ZNF638: variants seen among roughly 807,000 people sequenced by gnomAD.
ZNF638 encodes zinc finger protein 638.
A neutral mutation model predicts 195.6 loss-of-function variants in ZNF638; 46 were observed. That is an observed-to-expected ratio of 0.24 (90% CI 0.19 to 0.30). The LOEUF is 0.30. Ranked by LOEUF, ZNF638 falls within the 10% of genes least tolerant of loss-of-function variation. The pLI, the probability that ZNF638 is intolerant of heterozygous loss-of-function variation, is 1.00. For missense variants in ZNF638, 2,440 were observed against 2,325.3 expected (o/e 1.05, Z -1.01); for synonymous variants, 845 against 772.0 (o/e 1.09, Z -1.57).
intron 8 of ZNF638, among the ~76,000 whole-genome samples, chr2:71,376,599 A>G (rs1268509543): frequency 6.6e-6 from 1 of 152,132 alleles, no homozygotes. Context: ...AACCTAGAAA[A>G]AACTTACCCG....
At chr2:71,403,682 C>G (rs1445229735) in intron 16 of ZNF638, among the ~76,000 whole-genome samples, 188 bp from the exon 17 acceptor site, 1 of 151,960 alleles carries the variant, frequency 6.6e-6, no homozygotes, top group Non-Finnish European at 1.5e-5. Flanking sequence ...TTATTTCTTG[C>G]TTATGGTTGT....
At chr2:71,335,596 TAGAG>T (rs1311647575) in intron 1 of ZNF638, among the ~76,000 whole-genome samples, 1 of 152,150 alleles carries the variant, frequency 6.6e-6, no homozygotes, top group Non-Finnish European at 1.5e-5. Flanking sequence ...TATACAAAAG[TAGAG>T]AGAATGATAC....
chr2:71,396,036 G>A, intron 10 of ZNF638, 105 bp from the exon 11 acceptor site: 1 of 1,033,142 alleles, frequency 9.7e-7, no homozygotes, highest in Non-Finnish European at 1.5e-6. Context: ...GTATAGGGCT[G>A]TTTCTTGCAG....
chr2:71,347,918 T>G (rs1056973453), intron 1 of ZNF638, among the ~76,000 whole-genome samples: 8 of 152,234 alleles, frequency 5.3e-5, no homozygotes, highest in African/African-American at 1.9e-4. Context: ...TGTGTGTGCC[T>G]TAGTGTCTTC....
intron 27 of ZNF638, chr2:71,433,595 C>A (rs1008697096): frequency 1.0e-5 from 2 of 200,328 alleles, no homozygotes; most frequent in Non-Finnish European, 2.0e-5. Flanking sequence ...ATTAAAGTTT[C>A]TGAATTGTCT....
chr2:71,401,007 A>G (rs1247391494), intron 15 of ZNF638, among the ~76,000 whole-genome samples: 2 of 152,178 alleles, frequency 1.3e-5, no homozygotes, highest in South Asian at 2.1e-4. Context: ...ATACATTACA[A>G]TCATTAATTT....
intron 17 of ZNF638, 54 bp downstream of exon 17, chr2:71,404,052 G>A: frequency 6.5e-7 from 1 of 1,532,858 alleles, no homozygotes; most frequent in Non-Finnish European, 8.8e-7. Flanking sequence ...AATCAGATTT[G>A]TTACAGTCTG....
At chr2:71,385,656 G>A (rs2079622094) in intron 10 of ZNF638, among the ~76,000 whole-genome samples, 1 of 152,176 alleles carries the variant, frequency 6.6e-6, no homozygotes, top group African/African-American at 2.4e-5. Flanking sequence ...TGAAATCTGG[G>A]TGTTGGTAGA....
chr2:71,422,964 A>G lies in ZNF638; in HGVS notation c.3450A>G (p.Glu1150=). Residue 1150 remains glutamate (E), a synonymous_variant, in exon 22 of 28, where the codon GAA becomes GAG. Coordinates refer to ENST00000264447, the MANE Select transcript of ZNF638 (RefSeq NM_014497.5). ...AGCAGGAAGAGCCTTGTGAGGAAGA[A>G]GCTGAAAAAGCAACATGTGATTCTG... ...LVQQEEPCEE[E]AEKATCDSDF... is the part of the protein sequence containing the mutation. 6.2e-7 allele frequency: 1 copy of G among 1,614,146 alleles called. No individual in the cohort carries two copies. The highest frequency in any genetic ancestry group is 1.1e-5 in the South Asian group (1 of 91,084).
At position 71,426,792 on chromosome 2, in the gene ZNF638, A is replaced by G; in HGVS notation, c.4923A>G (p.Ser1641=). The G allele has an allele frequency of 6.2e-7, 1 of 1,613,194 alleles. No homozygotes were observed. The highest frequency in any genetic ancestry group is 8.5e-7 in the Non-Finnish European group (1 of 1,179,538). Residue 1641 remains serine (S), a synonymous_variant, in exon 24 of 28, where the codon TCA becomes TCG. Coordinates refer to ENST00000264447, the MANE Select transcript of ZNF638 (RefSeq NM_014497.5). The part of the protein sequence containing the change: ...NMEEMVKNSN[S]LFTLDELIDQ... The stretch of plus-strand genomic sequence containing the variant: ...AAGAAATGGTAAAAAATTCAAATTC[A>G]CTTTTTACATTAGATGAATTAATTG...
chr2:71,402,289 A>C (rs746489158), intron 16 of ZNF638, among the ~76,000 whole-genome samples: 14 of 152,176 alleles, frequency 9.2e-5, no homozygotes, highest in African/African-American at 1.7e-4. Context: ...GATGGGGACA[A>C]ATGGCTTTCT....
intron 3 of ZNF638, among the ~76,000 whole-genome samples, chr2:71,356,213 G>A (rs1265758782): frequency 6.6e-6 from 1 of 152,320 alleles, no homozygotes; most frequent in Admixed American, 6.5e-5. Context: ...TATACCTTAA[G>A]TAAGGGATGG....
chr2:71,408,596 A>C (rs1216610327), intron 20 of ZNF638: 1 of 290,748 alleles, frequency 3.4e-6, no homozygotes, highest in Non-Finnish European at 6.8e-6. Context: ...AGTTTGTTTT[A>C]TTCTTCTTTT....
intron 8 of ZNF638, among the ~76,000 whole-genome samples, chr2:71,371,384 A>G (rs2079309906): frequency 6.6e-6 from 1 of 152,226 alleles, no homozygotes; most frequent in Middle Eastern, 3.4e-3. Flanking sequence ...GCTGGATTGT[A>G]TGGTTGATCC....
At chr2:71,403,381 C>G (rs945194516) in intron 16 of ZNF638, among the ~76,000 whole-genome samples, 16 of 152,058 alleles carry the variant, frequency 1.1e-4, no homozygotes, top group Non-Finnish European at 2.4e-4. Context: ...AAATTAAAAG[C>G]AAAATGTATG....
rs1347096938 is a variant in ZNF638 at position 71,404,016 on chromosome 2, T to TTTTA, written c.2958+19_2958+22dup. 1 of 1,593,010 alleles carries TTTTA rather than the reference T, an allele frequency of 6.3e-7. No individual in the cohort carries two copies. Among genetic ancestry groups the TTTTA allele is most frequent in the African/African-American group, 1.4e-5 (1 of 73,592 alleles). On this transcript the variant is annotated intron_variant, in intron 17 of 27. Transcript: ENST00000264447. ...AAGATGAGGTAAATCAGACCACCAT[T>TTTTA]TTTACTAGCTCTTACTAAGTTTTTA...
chr2:71,397,469 G>T (rs1438817719), intron 11 of ZNF638, among the ~76,000 whole-genome samples: 1 of 152,110 alleles, frequency 6.6e-6, no homozygotes, highest in East Asian at 1.9e-4. Context: ...TAAACTTTCA[G>T]TTGATTTTTT....
chr2:71,389,276 GC>G (rs2079718407), intron 10 of ZNF638, among the ~76,000 whole-genome samples: 1 of 152,190 alleles, frequency 6.6e-6, no homozygotes, highest in Non-Finnish European at 1.5e-5. Context: ...TAGAAGGGGA[GC>G]TCTTAACCTG....
At chr2:71,417,586 T>C (rs2080326899) in intron 20 of ZNF638, among the ~76,000 whole-genome samples, 1 of 152,214 alleles carries the variant, frequency 6.6e-6, no homozygotes, top group Admixed American at 6.5e-5. Context: ...GTTTTTCCGT[T>C]ATTCCTTTAT....
Sources: allele counts gnomAD v4.1 joint callset (sites outside exome capture counted in the v4.1 genomes callset), GRCh38; gene constraint gnomAD v4.1.1; transcripts MANE v1.5; gene names NCBI Gene and HGNC (gene_info 2026-07-23, HGNC 2026-07-21).